The following PHACTR2 variants were observed in gnomAD, a reference collection of about 807,000 sequenced individuals.
PHACTR2 encodes phosphatase and actin regulator 2.
Under a neutral mutation model 76.0 loss-of-function variants are expected in PHACTR2, and 30 were observed. That is an observed-to-expected ratio of 0.39 (90% confidence interval 0.30 to 0.54). PHACTR2 has a LOEUF of 0.54. Ranked by LOEUF, PHACTR2 falls within the 20% of genes least tolerant of loss-of-function variation. The pLI is 0.61. For synonymous variants in PHACTR2, 292 were observed against 292.5 expected, an observed-to-expected ratio of 1.00 and a Z score of 0.02; for missense variants, 696 against 781.1, an observed-to-expected ratio of 0.89 and a Z score of 1.30.
intron 1 of PHACTR2, among the ~76,000 whole-genome samples, chr6:143,615,285 G>A (rs1776042198): frequency 6.6e-6 from 1 of 152,150 alleles, no homozygotes; most frequent in Non-Finnish European, 1.5e-5. Context: ...ACTGCTTTAA[G>A]AGTGGGGATT....
In PHACTR2 at chr6:143,641,456, A is replaced by G. The variant is rs1289705829; in HGVS notation, c.13+33134A>G. 6.6e-6 allele frequency among the ~76,000 whole-genome samples: 1 copy of G among 152,056 alleles called. No individual in the cohort carries two copies. The highest frequency in any genetic ancestry group is 2.1e-4 in the South Asian group (1 of 4,822). ...CCAATTCCTGACTTCTTACCTTCAG[A>G]TCTGTGAAATAATACATTTCTGTTG... On this transcript the variant is annotated intron_variant, in intron 1 of 11. Transcript: ENST00000305766. This position sits in a 1 kb window ranked among gnomAD's most constrained non-coding sequence, Gnocchi z 5.8.
At position 143,819,128 on chromosome 6, in the gene PHACTR2, T is replaced by G. The variant is rs907895161; in HGVS notation, c.1923-4546T>G. ...TAACAAATAACTTCCTAGATACCCC[T>G]GTGTATATGTGTTCAGTGACTTATG... On this transcript the variant is annotated intron_variant, in intron 12 of 12. Coordinates refer to ENST00000440869, the MANE Select transcript of PHACTR2 (RefSeq NM_001100164.2). This position sits in a 1 kb window ranked among gnomAD's most constrained non-coding sequence, Gnocchi z 5.0. Among the ~76,000 whole-genome samples, 3 of 152,304 alleles carry G rather than the reference T, an allele frequency of 2.0e-5. No homozygotes were observed. The highest frequency in any genetic ancestry group is 3.4e-3 in the Middle Eastern group (1 of 294).
chr6:143,574,049 C>T lies in PHACTR2; in HGVS notation c.217+36842C>T, dbSNP rs1775479623. 1.3e-5 allele frequency among the ~76,000 whole-genome samples: 2 copies of T among 152,178 alleles called. 1 individual carries two copies. The highest frequency in any genetic ancestry group is 4.1e-4 in the South Asian group (2 of 4,836). ...TCTTGCCAGGTCACACTCAAGGTGT[C>T]AGCTGGGCTGTGTTCTCATCTGGAG... On this transcript the variant is annotated intron_variant, in intron 1 of 11. Transcript: ENST00000367584.
intron 2 of PHACTR2, among the ~76,000 whole-genome samples, chr6:143,713,162 A>G (rs964722263): frequency 2.0e-5 from 3 of 152,244 alleles, no homozygotes; most frequent in South Asian, 2.1e-4. Flanking sequence ...GTGAAATGAA[A>G]TTAAAAATAC....
chr6:143,647,986 C>CGCAGTGGAAAT lies in PHACTR2; in HGVS notation c.13+39665_13+39675dup, dbSNP rs1776690034. Among the ~76,000 whole-genome samples the CGCAGTGGAAAT allele has an allele frequency of 6.6e-6, 1 of 152,058 alleles. No homozygotes were observed. The highest frequency in any genetic ancestry group is 1.5e-5 in the Non-Finnish European group (1 of 68,010). On this transcript the variant is annotated intron_variant, in intron 1 of 11. Transcript: ENST00000305766. The surrounding 1 kb of genome is among the most constrained non-coding windows in gnomAD (Gnocchi z 4.2). ...GGGAAGTTGCCCCTGGCTGTGTGGC[C>CGCAGTGGAAAT]GCAGTGGAAATAAGGGAAGCAGGTA...
At chr6:143,701,196 T>C (rs1380348027) in intron 1 of PHACTR2, among the ~76,000 whole-genome samples, 1 of 152,232 alleles carries the variant, frequency 6.6e-6, no homozygotes, top group South Asian at 2.1e-4. Flanking sequence ...TCTGCAGGCC[T>C]GTTGGCCACA....
Position 143,830,188 on chromosome 6 carries a change from T to C in PHACTR2, c.*6499T>C, listed in dbSNP as rs1776635253. On this transcript the variant is annotated 3_prime_UTR_variant, in exon 13 of 13. Transcript: ENST00000440869. ...CTTTTTCTTTTTTTTAAAAAAAACATTTCTTCTGTGGCTTAGAAATGTGCC... is the reference window on the plus strand; with the variant it reads ...CTTTTTCTTTTTTTTAAAAAAAACACTTCTTCTGTGGCTTAGAAATGTGCC... 6.6e-6 allele frequency: 1 copy of C among 152,088 alleles called. No homozygotes were observed. Among genetic ancestry groups the C allele is most frequent in the Non-Finnish European group, 1.5e-5 (1 of 68,014 alleles). The allele number at this position is 152,088 out of a possible 1,614,324, so 9.4% of individuals were successfully genotyped here.
intron 1 of PHACTR2, among the ~76,000 whole-genome samples, chr6:143,609,598 T>C (rs1398255814): frequency 2.6e-5 from 4 of 152,158 alleles, no homozygotes. Context: ...AAGGCACAAT[T>C]TGAAGATCAA....
rs1776490796 is a variant in PHACTR2, at chr6:143,824,268, T to G, written c.*579T>G. On this transcript the variant is annotated 3_prime_UTR_variant, in exon 13 of 13. Transcript: ENST00000440869. This position sits in a 1 kb window ranked among gnomAD's most constrained non-coding sequence, Gnocchi z 6.3. ...GAATACTCTTGTTTCACCATTATGTTGGTACAGTATAGTACCATTATTTTA... is the reference window on the plus strand; with the variant it reads ...GAATACTCTTGTTTCACCATTATGTGGGTACAGTATAGTACCATTATTTTA... 1 of 155,260 alleles carries G rather than the reference T, an allele frequency of 6.4e-6. No individual in the cohort carries two copies. Among genetic ancestry groups the G allele is most frequent in the Non-Finnish European group, 1.4e-5 (1 of 69,682 alleles). 9.6% of individuals were successfully genotyped at this position (155,260 alleles called of 1,614,324 possible).
chr6:143,640,487 A>AGAGATGGAG (rs1776545925), intron 1 of PHACTR2, among the ~76,000 whole-genome samples: 1 of 152,160 alleles, frequency 6.6e-6, no homozygotes, highest in South Asian at 2.1e-4. Context: ...ATGGAAGTGC[A>AGAGATGGAG]GAGATGGAGG....
At chr6:143,815,761 G>A (rs1352791177) in intron 12 of PHACTR2, among the ~76,000 whole-genome samples, 3 of 151,996 alleles carry the variant, frequency 2.0e-5, no homozygotes, top group African/African-American at 2.4e-5. Flanking sequence ...GCATGGTGGT[G>A]CATGCCTGTA....
chr6:143,786,659 C>G (rs1326323379), intron 10 of PHACTR2, among the ~76,000 whole-genome samples: 1 of 152,210 alleles, frequency 6.6e-6, no homozygotes, highest in East Asian at 1.9e-4. Context: ...GGGGAGGCCT[C>G]AGAATCCTGA....
rs1776790451 is a variant in PHACTR2, at chr6:143,652,999, G to A, written c.13+44677G>A. The stretch of plus-strand genomic sequence containing the variant: ...GGCAAGCAATAGAAAAGCACCAGGT[G>A]TTCCCAGCAGCGCTCTCTTTCACCC... On this transcript the variant is annotated intron_variant, in intron 1 of 11. Transcript: ENST00000305766. This position sits in a 1 kb window ranked among gnomAD's most constrained non-coding sequence, Gnocchi z 4.5. Among the ~76,000 whole-genome samples the A allele has an allele frequency of 6.6e-6, 1 of 152,332 alleles. No individual in the cohort carries two copies. Among genetic ancestry groups the A allele is most frequent in the Non-Finnish European group, 1.5e-5 (1 of 68,028 alleles).
chr6:143,585,372 A>G lies in PHACTR2; in HGVS notation c.217+48165A>G, dbSNP rs560823163. On this transcript the variant is annotated intron_variant, in intron 1 of 11. Transcript: ENST00000367584. This position sits in a 1 kb window ranked among gnomAD's most constrained non-coding sequence, Gnocchi z 5.2. Reference sequence around the variant, plus strand: ...CAGAATTCCAGTCTTCAGGGAAAGAATGACTTGGCCAGGGCCAAATCTCAG... The same window carrying G: ...CAGAATTCCAGTCTTCAGGGAAAGAGTGACTTGGCCAGGGCCAAATCTCAG... 7.2e-5 allele frequency among the ~76,000 whole-genome samples: 11 copies of G among 152,364 alleles called. No homozygotes were observed. In the South Asian group the frequency reaches 2.3e-3, roughly 32 times the overall value.
Position 143,549,548 on chromosome 6 carries a change from A to G in PHACTR2, c.217+12341A>G, listed in dbSNP as rs1041890616. Among the ~76,000 whole-genome samples the G allele has an allele frequency of 3.3e-5, 5 of 152,058 alleles. No homozygotes were observed. The highest frequency in any genetic ancestry group is 1.2e-4 in the African/African-American group (5 of 41,452). On this transcript the variant is annotated intron_variant, in intron 1 of 11. Transcript: ENST00000367584. This position sits in a 1 kb window ranked among gnomAD's most constrained non-coding sequence, Gnocchi z 4.2. ...AAGATGAGAATGTTTGCCCAAGCCC[A>G]GGAACCTGCTGGGGGGTACTCAGCA...
intron 2 of PHACTR2, among the ~76,000 whole-genome samples, chr6:143,740,329 A>G (rs1229425293): frequency 6.6e-6 from 1 of 151,978 alleles, no homozygotes; most frequent in East Asian, 1.9e-4. Context: ...TAAGACCTGT[A>G]TCTTGTGTTG....
intron 6 of PHACTR2, among the ~76,000 whole-genome samples, chr6:143,768,369 A>G (rs1354447277): frequency 3.9e-5 from 6 of 152,204 alleles, no homozygotes; most frequent in Non-Finnish European, 1.5e-5. Flanking sequence ...TGAGCAAGGC[A>G]ATATAGTTAA....
At chr6:143,781,308 A>T (rs186554431) in intron 9 of PHACTR2, among the ~76,000 whole-genome samples, 1 of 152,238 alleles carries the variant, frequency 6.6e-6, no homozygotes, top group Non-Finnish European at 1.5e-5. Context: ...GTTACCTGGT[A>T]GCACTAGCTG....
rs185738240 is a variant in PHACTR2, at chr6:143,812,015, C to T, written c.1922+4882C>T. 2.0e-5 allele frequency among the ~76,000 whole-genome samples: 3 copies of T among 152,256 alleles called. 1 individual carries two copies. ...CTCTTATTAGCATGAGACATTGTCT[C>T]CTTATACCAAGTAAGGCTTCCCTTC... On this transcript the variant is annotated intron_variant, in intron 12 of 12. Coordinates refer to ENST00000440869, the MANE Select transcript of PHACTR2 (RefSeq NM_001100164.2).
Sources: gnomAD v4.1 joint callset for allele counts (sites outside exome capture counted in the v4.1 genomes callset) on GRCh38, gnomAD v4.1.1 for gene constraint, Gnocchi (gnomAD v3.1) non-coding constraint, MANE v1.5 for transcripts, NCBI Gene and HGNC (gene_info 2026-07-23, HGNC 2026-07-21) for gene names.